Variants in MTPN observed in about 807,000 individuals in gnomAD.
MTPN encodes myotrophin, also known as granule cell differentiation protein.
Under a neutral mutation model 13.5 loss-of-function variants are expected in MTPN, and 2 were observed. The ratio of observed to expected loss-of-function variants is 0.15; its 90% CI spans 0.06 to 0.47. The LOEUF (loss-of-function observed/expected upper bound fraction) is 0.47, where lower values mean the gene tolerates loss of function less well. Among genes scored for constraint, MTPN ranks in the 20% least tolerant of loss-of-function variants. The pLI, the probability that MTPN is intolerant of heterozygous loss-of-function variation, is 0.97. For missense variants in MTPN, 79 were observed against 137.9 expected (o/e 0.57, Z 2.14); for synonymous variants, 46 against 51.7 (o/e 0.89, Z 0.48).
intron 2 of MTPN, 52 bp from the exon 3 acceptor site, chr7:135,950,734 T>C (rs758170809): frequency 7.1e-7 from 1 of 1,402,946 alleles, no homozygotes; most frequent in Non-Finnish European, 9.9e-7. Context: ...TTCTTCCTAC[T>C]TTCTAGTTTT....
chr7:135,969,999 G>A (rs565178827), intron 1 of MTPN, among the ~76,000 whole-genome samples: 1 of 152,284 alleles, frequency 6.6e-6, no homozygotes, highest in Non-Finnish European at 1.5e-5. Flanking sequence ...CTAAGCTGAC[G>A]AAACTCATGA....
chr7:135,959,828 T>G (rs1318373655), intron 1 of MTPN, among the ~76,000 whole-genome samples: 1 of 151,872 alleles, frequency 6.6e-6, no homozygotes, highest in African/African-American at 2.4e-5. Flanking sequence ...TTTTTTTTTT[T>G]AATGGAACAT....
At chr7:135,954,018 A>G (rs1799403504) in intron 1 of MTPN, among the ~76,000 whole-genome samples, 1 of 152,196 alleles carries the variant, frequency 6.6e-6, no homozygotes, top group African/African-American at 2.4e-5. Flanking sequence ...AATGTGCCTA[A>G]AATCACTGGA....
intron 3 of MTPN, among the ~76,000 whole-genome samples, chr7:135,943,580 T>A (rs1799244922): frequency 6.6e-6 from 1 of 152,242 alleles, no homozygotes; most frequent in South Asian, 2.1e-4. Context: ...ACATAAAACA[T>A]AAAACATTTT....
At chr7:135,976,166 T>G (rs1799769835) in intron 1 of MTPN, among the ~76,000 whole-genome samples, 2 of 152,212 alleles carry the variant, frequency 1.3e-5, no homozygotes, top group South Asian at 4.1e-4. Context: ...ACAGGCTAGC[T>G]TGGAATTTTA....
intron 1 of MTPN, among the ~76,000 whole-genome samples, chr7:135,955,295 G>A (rs566007485): frequency 3.9e-5 from 6 of 152,074 alleles, no homozygotes; most frequent in Non-Finnish European, 8.8e-5. Context: ...ATAAAGATCA[G>A]GGTAAAAATC....
Position 135,950,931 on chromosome 7 carries a change from G to A in MTPN, c.187-249C>T, listed in dbSNP as rs368457842. On this transcript the variant is annotated intron_variant, in intron 2 of 3. Transcript: ENST00000393085. ...GGGCTTTGACCTCAGCTCAAATCTT[G>A]GCTCTGCCACTTACTATGGTACTAT... 6.6e-5 allele frequency among the ~76,000 whole-genome samples: 10 copies of A among 152,178 alleles called. No individual in the cohort carries two copies. The East Asian group carries it at 7.7e-4, about 12-fold the overall frequency.
intron 3 of MTPN, among the ~76,000 whole-genome samples, chr7:135,948,633 C>T (rs573864409): frequency 1.3e-5 from 2 of 152,290 alleles, no homozygotes; most frequent in African/African-American, 4.8e-5. Context: ...CGGAAACTTA[C>T]AACCACAAGG....
chr7:135,973,866 A>G (rs781274870), intron 1 of MTPN, among the ~76,000 whole-genome samples: 4 of 152,194 alleles, frequency 2.6e-5, no homozygotes, highest in Non-Finnish European at 5.9e-5. Flanking sequence ...CAGGACTACT[A>G]AAGAGTTTAA....
At chr7:135,950,814 A>G in intron 2 of MTPN, 132 bp from the exon 3 acceptor site, 1 of 714,622 alleles carries the variant, frequency 1.4e-6, no homozygotes, top group Non-Finnish European at 2.4e-6. Context: ...CAATCCACAG[A>G]GTCAAGTGTC....
chr7:135,956,767 C>T (rs1584814820), intron 1 of MTPN, among the ~76,000 whole-genome samples: 1 of 152,050 alleles, frequency 6.6e-6, no homozygotes, highest in Non-Finnish European at 1.5e-5. Flanking sequence ...GTTTTATTGG[C>T]TCCTTCTCAC....
In MTPN at chr7:135,957,133, CTAT is replaced by C. The variant is rs1436125405; in HGVS notation, c.73-5506_73-5504del. ...TAAAACATACTAAGTTGTTTTGAAGCTATTATTTTCTCTAAATATGGTATATTC... is the reference window on the plus strand; with the variant it reads ...TAAAACATACTAAGTTGTTTTGAAGCTATTTTCTCTAAATATGGTATATTC... On this transcript the variant is annotated intron_variant, in intron 1 of 3. Coordinates refer to ENST00000393085, the MANE Select transcript of MTPN (RefSeq NM_145808.4). Among the ~76,000 whole-genome samples the C allele has an allele frequency of 3.3e-5, 5 of 152,194 alleles. No individual in the cohort carries two copies. In the South Asian group the frequency reaches 6.2e-4, roughly 19 times the overall value.
At chr7:135,967,062 A>G (rs1208473840) in intron 1 of MTPN, among the ~76,000 whole-genome samples, 1 of 152,154 alleles carries the variant, frequency 6.6e-6, no homozygotes, top group East Asian at 1.9e-4. Flanking sequence ...ATCCATATTT[A>G]TAAATGCACC....
chr7:135,950,991 T>C (rs1799356885), intron 2 of MTPN, among the ~76,000 whole-genome samples: 1 of 152,044 alleles, frequency 6.6e-6, no homozygotes, highest in Non-Finnish European at 1.5e-5. Context: ...TCCCCACAAC[T>C]GTAGAAATGC....
chr7:135,950,769 AC>A, intron 2 of MTPN, 87 bp from the exon 3 acceptor site: 2 of 1,030,794 alleles, frequency 1.9e-6, no homozygotes, highest in East Asian at 4.8e-5. Context: ...TTCTAGATTT[AC>A]CTATTTGCCT....
chr7:135,969,238 TAAA>T (rs57871609), intron 1 of MTPN, among the ~76,000 whole-genome samples: 54 of 109,112 alleles, frequency 4.9e-4, no homozygotes, highest in Admixed American at 1.3e-3. Context: ...TAAAGTATAA[TAAA>T]AAAAAAAAAA....
chr7:135,927,791 G>A lies in MTPN; in HGVS notation c.*2135C>T, dbSNP rs1305881644. On this transcript the variant is annotated 3_prime_UTR_variant, in exon 4 of 4. Transcript: ENST00000393085. ...AAGCGAAGGCGAAATAGCCTCTACT[G>A]CATTACAAGCAACATCAGGATAAAC... 1.3e-5 allele frequency: 6 copies of A among 445,842 alleles called. No individual in the cohort carries two copies. The highest frequency in any genetic ancestry group is 8.5e-5 in the South Asian group (5 of 59,044). 27.6% of individuals were successfully genotyped at this position (445,842 alleles called of 1,614,324 possible).
intron 1 of MTPN, among the ~76,000 whole-genome samples, chr7:135,965,352 C>A (rs903261367): frequency 2.0e-5 from 3 of 151,984 alleles, no homozygotes; most frequent in Admixed American, 1.3e-4. Context: ...AGTAAGTAGA[C>A]AGGGCTGGGA....
chr7:135,948,426 T>A (rs1032851378), intron 3 of MTPN, among the ~76,000 whole-genome samples: 1 of 151,894 alleles, frequency 6.6e-6, no homozygotes, highest in African/African-American at 2.4e-5. Context: ...AAAGTCAAGG[T>A]TCAGACACAA....
Sources: gnomAD v4.1 joint callset for allele counts (sites outside exome capture counted in the v4.1 genomes callset) on GRCh38, gnomAD v4.1.1 for gene constraint, MANE v1.5 for transcripts, NCBI Gene and HGNC (gene_info 2026-07-23, HGNC 2026-07-21) for gene names.